Variants in WWOX observed in about 807,000 individuals in gnomAD.
WWOX encodes WW domain-containing oxidoreductase.
A neutral mutation model predicts 46.2 loss-of-function variants in WWOX; 69 were observed. That is an observed-to-expected ratio of 1.49 (90% confidence interval 1.23 to 1.82). The LOEUF is 1.82. Among genes scored for constraint, WWOX ranks in the 40% most tolerant of loss-of-function variants. WWOX has a pLI of 0.00. For synonymous variants in WWOX, 359 were observed against 202.6 expected (o/e 1.77, Z -6.56); for missense variants, 919 against 542.6 (o/e 1.69, Z -6.89).
intron 8 of WWOX, among the ~76,000 whole-genome samples, chr16:79,186,165 T>C (rs1324388562): frequency 1.3e-5 from 2 of 152,132 alleles, no homozygotes; most frequent in Non-Finnish European, 2.9e-5. Flanking sequence ...TGCTGACTTA[T>C]TTGGGGTGGC....
rs1464698505 is a variant in WWOX, at chr16:78,338,051, T to C, written c.517-48809T>C. On this transcript the variant is annotated intron_variant, in intron 5 of 8. Coordinates refer to ENST00000566780, the MANE Select transcript of WWOX (RefSeq NM_016373.4). ...TTTTAAAACATATATAAAATTATTT[T>C]TATCAAACATGACAGATCAAAAGCC... is the stretch of plus-strand genomic sequence containing the variant. Among the ~76,000 whole-genome samples the C allele has an allele frequency of 4.1e-5, 5 of 120,758 alleles. 1 individual carries two copies. Among genetic ancestry groups the C allele is most frequent in the African/African-American group, 1.4e-4 (5 of 35,584 alleles). The allele number at this position is 120,758 out of a possible 152,430, so 79.2% of individuals were successfully genotyped here.
At chr16:78,703,306 T>G (rs745701873) in intron 8 of WWOX, among the ~76,000 whole-genome samples, 18 of 152,262 alleles carry the variant, frequency 1.2e-4, no homozygotes, top group Non-Finnish European at 2.1e-4. Flanking sequence ...ATCTTTCCTG[T>G]GAAAATTTCT....
intron 8 of WWOX, among the ~76,000 whole-genome samples, chr16:78,638,017 C>A (rs1050692166): frequency 6.6e-6 from 1 of 152,178 alleles, no homozygotes; most frequent in Non-Finnish European, 1.5e-5. Flanking sequence ...TGTTTGAGTT[C>A]TTCCCTGGGA....
At chr16:79,173,242 G>A (rs79101720) in intron 8 of WWOX, among the ~76,000 whole-genome samples, 1,826 of 152,274 alleles carry the variant, frequency 0.012, 14 homozygotes, top group Non-Finnish European at 0.017. Flanking sequence ...CCTCCTGAGG[G>A]GTGTGAGAGT....
chr16:79,067,721 G>A (rs2048468986), intron 8 of WWOX, among the ~76,000 whole-genome samples: 1 of 152,152 alleles, frequency 6.6e-6, no homozygotes, highest in Non-Finnish European at 1.5e-5. Context: ...AAACTCATCT[G>A]CAGCTGTATT....
chr16:79,199,462 T>G (rs2150826245), intron 8 of WWOX, among the ~76,000 whole-genome samples: 1 of 152,274 alleles, frequency 6.6e-6, no homozygotes, highest in South Asian at 2.1e-4. Flanking sequence ...GACACACGAA[T>G]CTCTTAGCAG....
intron 8 of WWOX, among the ~76,000 whole-genome samples, chr16:78,775,933 G>T (rs1157676820): frequency 6.6e-6 from 1 of 152,108 alleles, no homozygotes; most frequent in East Asian, 1.9e-4. Context: ...TCAGTCAGTG[G>T]CCATCACTAC....
intron 5 of WWOX, among the ~76,000 whole-genome samples, chr16:78,360,035 T>A (rs1056809321): frequency 6.6e-6 from 1 of 152,088 alleles, no homozygotes; most frequent in Non-Finnish European, 1.5e-5. Context: ...ACAAACTTTT[T>A]AAAAACAAAA....
intron 8 of WWOX, among the ~76,000 whole-genome samples, chr16:79,048,312 G>T (rs2048103692): frequency 1.3e-5 from 2 of 151,956 alleles, no homozygotes; most frequent in Admixed American, 1.3e-4. Flanking sequence ...GAAGCCCAGG[G>T]GCCCCAGCCC....
chr16:78,566,476 C>T (rs902332466), intron 8 of WWOX, among the ~76,000 whole-genome samples: 3 of 152,176 alleles, frequency 2.0e-5, no homozygotes, highest in African/African-American at 7.2e-5. Flanking sequence ...GCTTCTCCTC[C>T]CTGATTGTCG....
At chr16:78,218,337 C>G (rs755160864) in intron 5 of WWOX, among the ~76,000 whole-genome samples, 28 of 152,170 alleles carry the variant, frequency 1.8e-4, no homozygotes, top group South Asian at 1.5e-3. Flanking sequence ...CAGTCCTCCT[C>G]CAGCCTCCCA....
At chr16:78,799,355 C>G (rs917033912) in intron 8 of WWOX, among the ~76,000 whole-genome samples, 1 of 152,118 alleles carries the variant, frequency 6.6e-6, no homozygotes, top group African/African-American at 2.4e-5. Flanking sequence ...TGTATGGTGT[C>G]CATCTGGGTT....
chr16:78,200,621 A>G (rs773247656), intron 5 of WWOX, among the ~76,000 whole-genome samples: 1 of 150,978 alleles, frequency 6.6e-6, no homozygotes, highest in Non-Finnish European at 1.5e-5. Context: ...ACATACTGGC[A>G]GATCTGACTT....
intron 8 of WWOX, among the ~76,000 whole-genome samples, chr16:78,548,145 A>C (rs1351072260): frequency 8.7e-6 from 1 of 115,564 alleles, no homozygotes; most frequent in Non-Finnish European, 1.7e-5. Flanking sequence ...ACAGAGCAAG[A>C]CTGTCTCAAA....
At chr16:78,552,266 C>T (rs2151544529) in intron 8 of WWOX, 2 of 152,328 alleles carry the variant, frequency 1.3e-5, no homozygotes, top group Middle Eastern at 6.8e-3. Flanking sequence ...CGTAAACTGT[C>T]ATCTGATTTA....
chr16:78,760,162 C>G (rs543095999), intron 8 of WWOX, among the ~76,000 whole-genome samples: 63 of 152,166 alleles, frequency 4.1e-4, no homozygotes, highest in Non-Finnish European at 8.4e-4. Flanking sequence ...AAAGGCACAT[C>G]TCACACGGCA....
intron 8 of WWOX, among the ~76,000 whole-genome samples, chr16:78,673,918 C>A (rs1046306963): frequency 6.6e-6 from 1 of 151,994 alleles, no homozygotes; most frequent in South Asian, 2.1e-4. Flanking sequence ...TTGGTTCATC[C>A]CATTTGAGTT....
chr16:79,193,078 T>A (rs1160152521), intron 8 of WWOX, among the ~76,000 whole-genome samples: 2 of 152,230 alleles, frequency 1.3e-5, no homozygotes, highest in Non-Finnish European at 2.9e-5. Context: ...ATCTTTGACC[T>A]CTGTGATCCC....
intron 5 of WWOX, among the ~76,000 whole-genome samples, chr16:78,233,287 C>T (rs9925365): frequency 0.53 from 80,397 of 151,896 alleles, 21,673 homozygotes; most frequent in Admixed American, 0.67. Flanking sequence ...ATAATAGCCA[C>T]GTAGAGGACA....
Sources: allele counts gnomAD v4.1 joint callset (sites outside exome capture counted in the v4.1 genomes callset), GRCh38; gene constraint gnomAD v4.1.1; transcripts MANE v1.5; gene names NCBI Gene and HGNC (gene_info 2026-07-23, HGNC 2026-07-21).